MGAT4C: variants seen among roughly 807,000 people sequenced by gnomAD.
MGAT4C encodes the protein alpha-1,3-mannosyl-glycoprotein 4-beta-N-acetylglucosaminyltransferase C.
In MGAT4C, 19 loss-of-function variants were observed where a neutral mutation model predicts 40.1. The observed-to-expected ratio is 0.47, with a 90% CI of 0.33 to 0.70. The LOEUF (loss-of-function observed/expected upper bound fraction) is 0.70, where lower values mean the gene tolerates loss of function less well. MGAT4C is among the 30% of genes least tolerant of loss of function. The probability of loss-of-function intolerance (pLI) is 0.02; values close to 1 mark genes in which losing one functional copy is unlikely to be tolerated. For synonymous variants in MGAT4C, 181 were observed against 187.1 expected (o/e 0.97, Z 0.27); for missense variants, 491 against 563.2 (o/e 0.87, Z 1.30).
At chr12:86,798,423 T>C (rs1952168988) in intron 1 of MGAT4C, among the ~76,000 whole-genome samples, 1 of 151,948 alleles carries the variant, frequency 6.6e-6, no homozygotes, top group Admixed American at 6.6e-5. Flanking sequence ...TCAGGAATCA[T>C]TTCATGTCCC....
chr12:86,574,212 G>A (rs1023286644), intron 2 of MGAT4C, among the ~76,000 whole-genome samples: 1 of 151,622 alleles, frequency 6.6e-6, no homozygotes, highest in Non-Finnish European at 1.5e-5. Context: ...TATGAGTTGG[G>A]ATCCACCTCC....
chr12:86,408,194 A>G (rs1956513643), intron 3 of MGAT4C, among the ~76,000 whole-genome samples: 1 of 152,012 alleles, frequency 6.6e-6, no homozygotes. Context: ...CATGGGTGAC[A>G]TCGAAATAAA....
intron 1 of MGAT4C, among the ~76,000 whole-genome samples, chr12:86,082,178 T>C (rs1467186228): frequency 6.6e-6 from 1 of 152,096 alleles, no homozygotes; most frequent in African/African-American, 2.4e-5. Flanking sequence ...ACCACTAGCC[T>C]GAGAACCAGA....
upstream of MGAT4C, among the ~76,000 whole-genome samples, chr12:86,259,445 T>A (rs766428244): frequency 8.6e-5 from 13 of 151,884 alleles, no homozygotes; most frequent in Admixed American, 3.9e-4. Flanking sequence ...GTAAAAAAAA[T>A]TCTAAATGTA....
chr12:86,282,732 C>T (rs1012584794), intron 4 of MGAT4C, among the ~76,000 whole-genome samples: 2 of 151,936 alleles, frequency 1.3e-5, no homozygotes, highest in African/African-American at 4.8e-5. Context: ...TTGATTATTT[C>T]CAGTCCTGTT....
At chr12:86,299,160 G>A (rs1256932381) in intron 4 of MGAT4C, among the ~76,000 whole-genome samples, 1 of 152,098 alleles carries the variant, frequency 6.6e-6, no homozygotes, top group Non-Finnish European at 1.5e-5. Flanking sequence ...CTGTCGCCCA[G>A]GCTGGAGTGC....
chr12:86,830,469 T>C (rs545889587), intron 1 of MGAT4C, among the ~76,000 whole-genome samples: 2 of 151,896 alleles, frequency 1.3e-5, no homozygotes, highest in Middle Eastern at 6.8e-3. Flanking sequence ...TATGTGAAGA[T>C]TTTTCCTTTA....
At position 86,542,077 on chromosome 12, in the gene MGAT4C, G is replaced by A. The variant is rs573893826; in HGVS notation, c.-228-106812C>T. ...CAGTGGTTCTCAACCTGTGGACTCC[G>A]AGTGAGAAGCACCAGTAACACCTGA... is the stretch of plus-strand genomic sequence containing the variant. On this transcript the variant is annotated intron_variant, in intron 2 of 7. Coordinates refer to the MGAT4C transcript ENST00000548651. Among the ~76,000 whole-genome samples the A allele has an allele frequency of 1.1e-4, 16 of 152,292 alleles. No individual in the cohort carries two copies. The South Asian group carries it at 1.7e-3, about 16-fold the overall frequency.
chr12:86,239,670 C>CT (rs1951695718), intron 1 of MGAT4C, among the ~76,000 whole-genome samples: 1 of 151,884 alleles, frequency 6.6e-6, no homozygotes, highest in Non-Finnish European at 1.5e-5. Context: ...TTTAGGTAAG[C>CT]TATAACAATT....
rs1162222125 is a variant in MGAT4C, at chr12:85,961,722, TGA to T, written c.*17565_*17566del. 6.6e-6 allele frequency: 1 copy of T among 151,910 alleles called. No homozygotes were observed. Among genetic ancestry groups the T allele is most frequent in the Non-Finnish European group, 1.5e-5 (1 of 67,786 alleles). The allele number at this position is 151,910 out of a possible 1,614,324, so 9.4% of individuals were successfully genotyped here. On this transcript the variant is annotated 3_prime_UTR_variant, in exon 5 of 5. Transcript: ENST00000611864. ...TTTTTCTGGCCTAACCTTGTTGGCA[TGA>T]GAGTTCCCACTTTGTATTATAATAG...
At chr12:85,983,478 A>G (rs777157723) in intron 4 of MGAT4C, 45 bp downstream of exon 4, 1 of 1,437,726 alleles carries the variant, frequency 7.0e-7, no homozygotes, top group Non-Finnish European at 9.3e-7. Context: ...ATTTTAATGC[A>G]AAATATTTTA....
chr12:86,758,013 TTCTC>T lies in MGAT4C; in HGVS notation c.-261-30776_-261-30773del, dbSNP rs560664543. On this transcript the variant is annotated intron_variant, in intron 1 of 7. Coordinates refer to the MGAT4C transcript ENST00000548651. ...TGAAAAAGTAAGTCAGAAAATGCCT[TTCTC>T]TAATAGCTTCTTTTCAAAATTTTCC... 1.4e-4 allele frequency among the ~76,000 whole-genome samples: 21 copies of T among 152,300 alleles called. No homozygotes were observed. In the East Asian group the frequency reaches 3.9e-3, roughly 28 times the overall value.
At chr12:85,987,461 A>C (rs1463641296) in intron 3 of MGAT4C, among the ~76,000 whole-genome samples, 1 of 152,110 alleles carries the variant, frequency 6.6e-6, no homozygotes, top group East Asian at 1.9e-4. Context: ...AAAGCTAAGA[A>C]GCAATCTGTT....
intron 2 of MGAT4C, among the ~76,000 whole-genome samples, chr12:86,668,831 T>A (rs2136560364): frequency 6.6e-6 from 1 of 152,276 alleles, no homozygotes; most frequent in Non-Finnish European, 1.5e-5. Flanking sequence ...AGAGCTAGTC[T>A]GTGTGTGCCA....
At chr12:86,074,190 T>C (rs1157296350) in intron 1 of MGAT4C, among the ~76,000 whole-genome samples, 1 of 152,128 alleles carries the variant, frequency 6.6e-6, no homozygotes, top group Non-Finnish European at 1.5e-5. Context: ...CTTCCCACCA[T>C]GATTCTGAGG....
chr12:86,721,518 C>T (rs1210174948), intron 2 of MGAT4C, among the ~76,000 whole-genome samples: 1 of 152,052 alleles, frequency 6.6e-6, no homozygotes, highest in Admixed American at 6.6e-5. Context: ...TCTTCTTTCC[C>T]CTACCTTGAC....
intron 1 of MGAT4C, among the ~76,000 whole-genome samples, chr12:86,811,944 C>G (rs1463896481): frequency 1.3e-5 from 2 of 152,370 alleles, no homozygotes; most frequent in South Asian, 4.1e-4. Flanking sequence ...AATGTAAGCA[C>G]TTCATGCTAT....
intron 4 of MGAT4C, among the ~76,000 whole-genome samples, chr12:86,329,102 C>CAATAAATAAATAAATA (rs59833458): frequency 1.2e-4 from 17 of 139,362 alleles, no homozygotes; most frequent in Admixed American, 3.7e-4. Flanking sequence ...GACTCCATTT[C>CAATAAATAAATAAATA]AATAAATAAA....
intron 2 of MGAT4C, among the ~76,000 whole-genome samples, chr12:86,459,912 T>C (rs548413065): frequency 5.3e-5 from 8 of 152,048 alleles, no homozygotes; most frequent in Non-Finnish European, 7.4e-5. Context: ...TGACACTAAC[T>C]CTTAATTTGA....
Sources: allele counts gnomAD v4.1 joint callset (sites outside exome capture counted in the v4.1 genomes callset), GRCh38; gene constraint gnomAD v4.1.1; transcripts MANE v1.5; gene names NCBI Gene and HGNC (gene_info 2026-07-23, HGNC 2026-07-21).